The following SSPN variants were observed in gnomAD, a reference collection of about 807,000 sequenced individuals.
SSPN encodes sarcospan, also known as K-ras oncogene-associated protein.
SSPN carries 15 observed loss-of-function variants against 19.1 expected under a neutral mutation model. The ratio of observed to expected loss-of-function variants is 0.78; its 90% CI spans 0.52 to 1.21. The LOEUF is 1.21. Ranked by LOEUF, SSPN falls within the 50% of genes most tolerant of loss-of-function variation. SSPN has a pLI of 0.00. For missense variants in SSPN, 291 were observed against 314.0 expected (o/e 0.93, Z 0.55); for synonymous variants, 147 against 140.3 (o/e 1.05, Z -0.34).
At chr12:26,123,291 C>G in intron 1 of SSPN, 1 of 1,313,248 alleles carries the variant, frequency 7.6e-7, no homozygotes, top group Non-Finnish European at 1.0e-6. Flanking sequence ...CGGTTTTTCC[C>G]CAGTATTCAA....
At chr12:26,127,330 G>A (rs532022085) in intron 1 of SSPN, among the ~76,000 whole-genome samples, 1 of 152,346 alleles carries the variant, frequency 6.6e-6, no homozygotes, top group South Asian at 2.1e-4. Flanking sequence ...AACACGATCA[G>A]GAGCCTTGAG....
chr12:26,135,286 C>T (rs754913647), intron 1 of SSPN, among the ~76,000 whole-genome samples: 2 of 151,960 alleles, frequency 1.3e-5, no homozygotes, highest in Admixed American at 1.3e-4. Flanking sequence ...TGGGGCAGAG[C>T]CAAAGAGCTT....
At chr12:26,137,657 T>TATATATATATATATATATA (rs35203550) in intron 1 of SSPN, among the ~76,000 whole-genome samples, 12 of 32,146 alleles carry the variant, frequency 3.7e-4, no homozygotes, top group African/African-American at 1.1e-3. Flanking sequence ...TATATATATA[T>TATATATATATATATATATA]TTTTTTTTTT....
chr12:26,136,612 G>A (rs1245626814), intron 1 of SSPN, among the ~76,000 whole-genome samples: 1 of 152,142 alleles, frequency 6.6e-6, no homozygotes, highest in Non-Finnish European at 1.5e-5. Context: ...GAAAATATGG[G>A]TGTATGAAAA....
At chr12:26,130,948 A>G (rs954182232) in intron 1 of SSPN, among the ~76,000 whole-genome samples, 1 of 152,016 alleles carries the variant, frequency 6.6e-6, no homozygotes, top group African/African-American at 2.4e-5. Flanking sequence ...TCCCATTACA[A>G]GAGGTTACAA....
At chr12:26,222,750 A>G (rs1393300553) in intron 1 of SSPN, among the ~76,000 whole-genome samples, 1 of 152,264 alleles carries the variant, frequency 6.6e-6, no homozygotes, top group Admixed American at 6.5e-5. Flanking sequence ...TTCATGAAAA[A>G]TAAAATGCGG....
intron 1 of SSPN, among the ~76,000 whole-genome samples, chr12:26,197,460 T>C (rs1944840178): frequency 6.6e-6 from 1 of 152,372 alleles, no homozygotes; most frequent in East Asian, 1.9e-4. Context: ...AAAATATGTC[T>C]GTCCTTTAAT....
intron 1 of SSPN, among the ~76,000 whole-genome samples, chr12:26,165,312 A>G (rs905243039): frequency 2.6e-5 from 4 of 152,212 alleles, no homozygotes; most frequent in Non-Finnish European, 1.5e-5. Context: ...TCCTGGTTCA[A>G]GTTCTCTGGC....
intron 1 of SSPN, among the ~76,000 whole-genome samples, chr12:26,183,492 A>G (rs1206744549): frequency 6.6e-6 from 1 of 152,264 alleles, no homozygotes; most frequent in Non-Finnish European, 1.5e-5. Context: ...AATCTGATCC[A>G]GAGAGAATTT....
chr12:26,124,819 G>A (rs2137390554), intron 1 of SSPN: 1 of 1,601,140 alleles, frequency 6.2e-7, no homozygotes, highest in African/African-American at 1.3e-5. Flanking sequence ...GATTTTTGGG[G>A]CTCTGTACAA....
At chr12:26,138,892 T>A (rs1189050149) in intron 1 of SSPN, among the ~76,000 whole-genome samples, 1 of 152,204 alleles carries the variant, frequency 6.6e-6, no homozygotes, top group Non-Finnish European at 1.5e-5. Context: ...TCAATATTTT[T>A]AAACAGTGAT....
Position 26,122,807 on chromosome 12 carries a change from C to T in SSPN, c.-31+655C>T, listed in dbSNP as rs567079724. The T allele has an allele frequency of 6.0e-5, 95 of 1,593,202 alleles. No individual in the cohort carries two copies. In the South Asian group the frequency reaches 6.7e-4, roughly 11 times the overall value. On this transcript the variant is annotated intron_variant, in intron 1 of 2. Transcript: ENST00000538142. ...CGCCGCCGTAGCCGCTGTCGGTGTC[C>T]GTGTCGTTCTCGGCGGCGAGCTCGG...
chr12:26,223,819 G>C (rs763194120), intron 1 of SSPN, among the ~76,000 whole-genome samples: 8 of 152,182 alleles, frequency 5.3e-5, no homozygotes, highest in Non-Finnish European at 1.0e-4. Context: ...GCTAATGTTA[G>C]TAATCATGTT....
chr12:26,205,748 G>A (rs1944925776), intron 1 of SSPN, among the ~76,000 whole-genome samples: 1 of 152,196 alleles, frequency 6.6e-6, no homozygotes, highest in Non-Finnish European at 1.5e-5. Context: ...GATCATAAAT[G>A]AGAAGGGATT....
At chr12:26,188,880 C>T (rs191048712) in intron 1 of SSPN, among the ~76,000 whole-genome samples, 184 of 152,172 alleles carry the variant, frequency 1.2e-3, no homozygotes, top group South Asian at 1.2e-3. Flanking sequence ...ACTGTATTCT[C>T]GTAACCTGTC....
intron 1 of SSPN, among the ~76,000 whole-genome samples, chr12:26,196,989 G>A (rs1378015174): frequency 1.3e-5 from 2 of 152,202 alleles, no homozygotes; most frequent in African/African-American, 4.8e-5. Flanking sequence ...TTTCATTTGA[G>A]CCACGAAACA....
upstream of SSPN, among the ~76,000 whole-genome samples, chr12:26,192,634 C>T (rs1944796247): frequency 6.6e-6 from 1 of 152,208 alleles, no homozygotes; most frequent in African/African-American, 2.4e-5. Flanking sequence ...CCTCCTCAAA[C>T]ACAGATTCAA....
intron 1 of SSPN, among the ~76,000 whole-genome samples, chr12:26,170,158 G>C (rs150926716): frequency 6.6e-6 from 1 of 152,130 alleles, no homozygotes; most frequent in Non-Finnish European, 1.5e-5. Context: ...CAACAATTAC[G>C]GGGACTCATG....
chr12:26,195,840 C>A lies in SSPN; in HGVS notation c.168C>A (p.Leu56=), dbSNP rs1944823711. Residue 56 remains leucine (L), a synonymous_variant, in exon 1 of 3, where the codon CTC becomes CTA. Transcript: ENST00000242729. ...TCCGCRFPLL[L]ALLQLALGIA... is the part of the protein sequence containing the mutation. ...GCGGCTGCCGGTTCCCGCTGCTGCTCGCCCTGCTGCAGCTGGCCCTGGGCA... is the reference window on the plus strand; with the variant it reads ...GCGGCTGCCGGTTCCCGCTGCTGCTAGCCCTGCTGCAGCTGGCCCTGGGCA... 1 of 1,543,082 alleles carries A rather than the reference C, an allele frequency of 6.5e-7. No individual in the cohort carries two copies. The highest frequency in any genetic ancestry group is 1.2e-5 in the South Asian group (1 of 82,496).
Sources: gnomAD v4.1 joint callset for allele counts (sites outside exome capture counted in the v4.1 genomes callset) on GRCh38, gnomAD v4.1.1 for gene constraint, MANE v1.5 for transcripts, NCBI Gene and HGNC (gene_info 2026-07-23, HGNC 2026-07-21) for gene names.